MTA3: variants seen among roughly 807,000 people sequenced by gnomAD.
MTA3 encodes the protein metastasis-associated protein MTA3.
Under a neutral mutation model 83.5 loss-of-function variants are expected in MTA3, and 34 were observed. The observed-to-expected ratio is 0.41, with a 90% CI of 0.31 to 0.54. The LOEUF (loss-of-function observed/expected upper bound fraction) is 0.54. Ranked by LOEUF, MTA3 falls within the 20% of genes least tolerant of loss-of-function variation. MTA3 has a pLI of 0.33. For synonymous variants in MTA3, 303 were observed against 252.7 expected (o/e 1.20, Z -1.89); for missense variants, 761 against 726.4 (o/e 1.05, Z -0.55).
At chr2:42,709,767 G>GT (rs1164450001) in intron 14 of MTA3, among the ~76,000 whole-genome samples, 1 of 152,160 alleles carries the variant, frequency 6.6e-6, no homozygotes, top group Non-Finnish European at 1.5e-5. Context: ...TGAGCAGCCT[G>GT]TTTGTCCAGT....
intron 16 of MTA3, among the ~76,000 whole-genome samples, chr2:42,738,636 A>G (rs1285698922): frequency 6.6e-6 from 1 of 152,234 alleles, no homozygotes; most frequent in Admixed American, 6.5e-5. Context: ...AGTAAGAGAG[A>G]TAACCTTAAA....
intron 1 of MTA3, chr2:42,569,621 C>T (rs1056531227): frequency 1.3e-5 from 2 of 152,018 alleles, no homozygotes; most frequent in African/African-American, 4.8e-5. Context: ...AAGAGAGCGG[C>T]GAAAGAGCCA....
chr2:42,756,784 C>T lies in MTA3; in HGVS notation c.*3385C>T. ...TCCTCTGCACTATGTCTCTGATTTT[C>T]CCTGCCAGGGAAGCTAACCCAGAGC... is the stretch of plus-strand genomic sequence containing the variant. On this transcript the variant is annotated 3_prime_UTR_variant, in exon 17 of 17. Transcript: ENST00000405094. 1 of 985,476 alleles carries T rather than the reference C, an allele frequency of 1.0e-6. No homozygotes were observed. The highest frequency in any genetic ancestry group is 1.7e-5 in the African/African-American group (1 of 57,342). 61.0% of individuals were successfully genotyped at this position (985,476 alleles called of 1,614,324 possible).
upstream of MTA3, among the ~76,000 whole-genome samples, chr2:42,567,451 C>T (rs1677966113): frequency 6.6e-6 from 1 of 152,158 alleles, no homozygotes; most frequent in South Asian, 2.1e-4. Flanking sequence ...ACCTCTTAGC[C>T]CCGCACAGAC....
chr2:42,613,366 C>T (rs1684456455), intron 4 of MTA3, among the ~76,000 whole-genome samples: 1 of 152,086 alleles, frequency 6.6e-6, no homozygotes, highest in Non-Finnish European at 1.5e-5. Context: ...AGGGCAGAGC[C>T]GAGTTTTCTC....
chr2:42,653,002 CTT>C (rs1688855927), intron 6 of MTA3, among the ~76,000 whole-genome samples: 1 of 152,162 alleles, frequency 6.6e-6, no homozygotes, highest in Non-Finnish European at 1.5e-5. Context: ...ATCCTTAGTT[CTT>C]CAGAGTATTT....
At chr2:42,692,700 T>G (rs1160970786) in intron 9 of MTA3, among the ~76,000 whole-genome samples, 1 of 152,258 alleles carries the variant, frequency 6.6e-6, no homozygotes, top group African/African-American at 2.4e-5. Flanking sequence ...GCGCTGGGAT[T>G]ACAGGCATGA....
chr2:42,551,047 CTAAA>C (rs61107846), intron 2 of MTA3, among the ~76,000 whole-genome samples: 16,427 of 142,544 alleles, frequency 0.12, 1,084 homozygotes, highest in Non-Finnish European at 0.15. Context: ...CAGACTCTGA[CTAAA>C]TAAATAAATA....
chr2:42,615,822 G>A (rs1684809961), intron 4 of MTA3, among the ~76,000 whole-genome samples: 2 of 136,348 alleles, frequency 1.5e-5, no homozygotes, highest in Admixed American at 8.6e-5. Flanking sequence ...CCGGGTTCAC[G>A]CCATTCTCCT....
intron 2 of MTA3, among the ~76,000 whole-genome samples, chr2:42,575,657 A>G (rs548620431): frequency 6.6e-6 from 1 of 152,352 alleles, no homozygotes; most frequent in South Asian, 2.1e-4. Flanking sequence ...ATGTCACAGC[A>G]TGGTGCTCTG....
intron 16 of MTA3, among the ~76,000 whole-genome samples, chr2:42,749,076 T>G (rs947103032): frequency 6.6e-5 from 10 of 152,234 alleles, no homozygotes; most frequent in African/African-American, 2.4e-4. Flanking sequence ...TAGCTGATGT[T>G]TTCCATCGGG....
chr2:42,697,786 A>T lies in MTA3; in HGVS notation c.977A>T (p.Lys326Ile). The T allele has an allele frequency of 6.5e-7, 1 of 1,542,716 alleles. No homozygotes were observed. The highest frequency in any genetic ancestry group is 8.7e-7 in the Non-Finnish European group (1 of 1,145,484). ...CATCTTTTGAATTAGAAACGTCTAA[A>T]AGCAGCAGAAGCTGAGAGTAAACTG... The part of the protein sequence containing the change: ...TDRYVQQKRL[K>I]AAEAESKLKQ... Residue 326 changes from lysine (K) to isoleucine (I), a missense_variant, in exon 11 of 17, where the codon AAA becomes ATA. Transcript: ENST00000405094.
At chr2:42,588,709 T>G (rs1055725120) in intron 3 of MTA3, among the ~76,000 whole-genome samples, 1 of 152,148 alleles carries the variant, frequency 6.6e-6, no homozygotes, top group Non-Finnish European at 1.5e-5. Context: ...GGTGTATCAA[T>G]TAGTGTTTTA....
At chr2:42,619,554 T>TG (rs1685295763) in intron 4 of MTA3, among the ~76,000 whole-genome samples, 2 of 152,156 alleles carry the variant, frequency 1.3e-5, no homozygotes, top group Non-Finnish European at 2.9e-5. Flanking sequence ...TAAATAAATG[T>TG]GGGATATATC....
At chr2:42,517,626 C>T (rs1675207981) in intron 2 of MTA3, among the ~76,000 whole-genome samples, 1 of 150,724 alleles carries the variant, frequency 6.6e-6, no homozygotes, top group Admixed American at 6.6e-5. Context: ...CCTGTAATAT[C>T]CTAACGCTTT....
intron 3 of MTA3, among the ~76,000 whole-genome samples, chr2:42,587,525 A>AT (rs1384459213): frequency 2.6e-5 from 4 of 151,806 alleles, no homozygotes; most frequent in East Asian, 1.9e-4. Flanking sequence ...CCTTTGCAAT[A>AT]TTTTTTTTCA....
chr2:42,639,012 T>C (rs1298174503), intron 4 of MTA3, among the ~76,000 whole-genome samples: 1 of 151,798 alleles, frequency 6.6e-6, no homozygotes, highest in East Asian at 1.9e-4. Flanking sequence ...TTGAATTGTA[T>C]TTCACTCTGG....
At position 42,611,473 on chromosome 2, in the gene MTA3, C is replaced by G. The variant is rs149762459; in HGVS notation, c.317+1889C>G. Among the ~76,000 whole-genome samples the G allele has an allele frequency of 7.2e-5, 11 of 152,152 alleles. No homozygotes were observed. In the East Asian group the frequency reaches 1.9e-3, roughly 27 times the overall value. ...GAATTTCTTTGTCTCCAAATCTTGT[C>G]AGAAATAATGTGAGCCCTCACCCCC... is the stretch of plus-strand genomic sequence containing the variant. On this transcript the variant is annotated intron_variant, in intron 4 of 16. Coordinates refer to ENST00000405094, the MANE Select transcript of MTA3 (RefSeq NM_001330442.2).
At chr2:42,696,891 C>T (rs1693433640) in intron 10 of MTA3, among the ~76,000 whole-genome samples, 1 of 152,128 alleles carries the variant, frequency 6.6e-6, no homozygotes, top group Admixed American at 6.5e-5. Context: ...AGGTATAGAT[C>T]AAGACCATGT....
Sources: gnomAD v4.1 joint callset for allele counts (sites outside exome capture counted in the v4.1 genomes callset) on GRCh38, gnomAD v4.1.1 for gene constraint, MANE v1.5 for transcripts, NCBI Gene and HGNC (gene_info 2026-07-23, HGNC 2026-07-21) for gene names.